Variants in CDH8 observed in about 807,000 individuals in gnomAD.
CDH8 encodes cadherin 8.
Under a neutral mutation model 68.1 loss-of-function variants are expected in CDH8, and 17 were observed. The ratio of observed to expected loss-of-function variants is 0.25; its 90% confidence interval spans 0.17 to 0.37. The LOEUF (loss-of-function observed/expected upper bound fraction) is 0.37, where lower values mean the gene tolerates loss of function less well. Ranked by LOEUF, CDH8 falls within the 10% of genes least tolerant of loss-of-function variation. The pLI is 1.00. For missense variants in CDH8, 763 were observed against 999.3 expected, an observed-to-expected ratio of 0.76 and a Z score of 3.19; for synonymous variants, 372 against 365.1, an observed-to-expected ratio of 1.02 and a Z score of -0.21.
At chr16:61,766,318 T>C (rs1960589064) in intron 8 of CDH8, among the ~76,000 whole-genome samples, 1 of 151,986 alleles carries the variant, frequency 6.6e-6, no homozygotes, top group Non-Finnish European at 1.5e-5. Context: ...GCAAAAGATA[T>C]TTCTTTTTTA....
chr16:61,673,263 T>C (rs747780978), intron 10 of CDH8, among the ~76,000 whole-genome samples: 1 of 152,124 alleles, frequency 6.6e-6, no homozygotes, highest in South Asian at 2.1e-4. Context: ...CCTCTCCTTT[T>C]CTTCCTCACA....
At chr16:61,911,944 C>T (rs1399023402) in intron 2 of CDH8, among the ~76,000 whole-genome samples, 2 of 151,998 alleles carry the variant, frequency 1.3e-5, no homozygotes, top group Non-Finnish European at 2.9e-5. Flanking sequence ...AGTGTGAAAT[C>T]CTGACAGAAT....
intron 9 of CDH8, among the ~76,000 whole-genome samples, chr16:61,723,271 CT>C (rs553491995): frequency 8.2e-4 from 123 of 150,686 alleles, no homozygotes; most frequent in African/African-American, 2.9e-3. Context: ...TATATTTTTC[CT>C]TCGTGTTTGG....
chr16:61,762,552 C>T (rs554223198), intron 8 of CDH8, among the ~76,000 whole-genome samples: 1 of 152,132 alleles, frequency 6.6e-6, no homozygotes, highest in South Asian at 2.1e-4. Flanking sequence ...GTGGACTACA[C>T]TGCAGTATGA....
chr16:61,667,807 T>A (rs1050691443), intron 10 of CDH8: 1 of 152,084 alleles, frequency 6.6e-6, no homozygotes, highest in Admixed American at 6.6e-5. Flanking sequence ...GCATTCTTAT[T>A]CCCATTTTAC....
chr16:61,850,846 C>A (rs1962924084), intron 4 of CDH8, among the ~76,000 whole-genome samples: 1 of 151,976 alleles, frequency 6.6e-6, no homozygotes, highest in East Asian at 1.9e-4. Flanking sequence ...AGCAAACATC[C>A]CTATGTCATG....
chr16:61,662,008 A>G lies in CDH8; in HGVS notation c.1655-6287T>C, dbSNP rs147284436. 6.4e-3 allele frequency among the ~76,000 whole-genome samples: 965 copies of G among 149,668 alleles called. 10 individuals carry two copies. Among genetic ancestry groups the G allele is most frequent in the African/African-American group, 0.023 (930 of 40,836 alleles). On this transcript the variant is annotated intron_variant, in intron 10 of 11. Transcript: ENST00000577390. ...TTGACTTTCAACAATTGGGAAGAGG[A>G]TCAATGGTGTTTCTTGGAAGATTTT...
chr16:61,929,931 CAT>C (rs546155119), intron 2 of CDH8, among the ~76,000 whole-genome samples: 115 of 152,130 alleles, frequency 7.6e-4, no homozygotes, highest in African/African-American at 2.6e-3. Context: ...ATTCAAAACA[CAT>C]GTCAATTACA....
Position 61,857,168 on chromosome 16 carries a change from A to C in CDH8, c.618T>G (p.Val206=), listed in dbSNP as rs746272089. Residue 206 remains valine (V), a synonymous_variant, in exon 4 of 12, where the codon GTT becomes GTG. Transcript: ENST00000577390. Reference sequence around the variant, plus strand: ...AAGGCTGCCCTTCCAATATACTATAAACCAACTTTGCACTGTTTCCATAAA... The same window carrying C: ...AAGGCTGCCCTTCCAATATACTATACACCAACTTTGCACTGTTTCCATAAA... ...DPVYGNSAKL[V]YSILEGQPYF... is the part of the protein sequence containing the mutation. The C allele has an allele frequency of 5.0e-6, 8 of 1,613,508 alleles. No individual in the cohort carries two copies. The African/African-American group carries it at 1.1e-4, about 22-fold the overall frequency.
chr16:61,968,426 C>T (rs970031145), intron 2 of CDH8, among the ~76,000 whole-genome samples: 10 of 152,130 alleles, frequency 6.6e-5, no homozygotes, highest in African/African-American at 2.2e-4. Context: ...AGACCTAGGA[C>T]AGGTAAAGGG....
At chr16:61,924,257 T>G (rs931581115) in intron 2 of CDH8, among the ~76,000 whole-genome samples, 1 of 152,200 alleles carries the variant, frequency 6.6e-6, no homozygotes, top group Non-Finnish European at 1.5e-5. Flanking sequence ...AAACATTTTT[T>G]GGGACTTTTG....
Position 61,650,449 on chromosome 16 carries a change from G to A in CDH8, c.*3159C>T, listed in dbSNP as rs1963294802. ...TTTAGCAGAGAGTACTCTTGTTTCT[G>A]CTATGTCAATGTTGATGAAACAGAC... On this transcript the variant is annotated 3_prime_UTR_variant, in exon 12 of 12. Transcript: ENST00000577390. The A allele has an allele frequency of 6.6e-6, 1 of 151,998 alleles. No individual in the cohort carries two copies. Among genetic ancestry groups the A allele is most frequent in the South Asian group, 2.1e-4 (1 of 4,832 alleles). The allele number at this position is 151,998 out of a possible 1,614,324, so 9.4% of individuals were successfully genotyped here.
chr16:61,950,985 C>T (rs552710879), intron 2 of CDH8, among the ~76,000 whole-genome samples: 3 of 151,876 alleles, frequency 2.0e-5, no homozygotes, highest in Non-Finnish European at 2.9e-5. Flanking sequence ...CATACAACAA[C>T]CCCCCATGAC....
chr16:61,951,972 T>C (rs1205221354), intron 2 of CDH8, among the ~76,000 whole-genome samples: 1 of 152,162 alleles, frequency 6.6e-6, no homozygotes, highest in Non-Finnish European at 1.5e-5. Context: ...TAGAAAACTT[T>C]GATGTGGAGA....
At chr16:61,826,089 G>A (rs1047110464) in intron 4 of CDH8, among the ~76,000 whole-genome samples, 8 of 151,650 alleles carry the variant, frequency 5.3e-5, no homozygotes, top group Non-Finnish European at 1.2e-4. Flanking sequence ...AAAATTATAA[G>A]GCCATGATAT....
chr16:61,773,493 T>C (rs1960831188), intron 8 of CDH8, among the ~76,000 whole-genome samples: 1 of 152,080 alleles, frequency 6.6e-6, no homozygotes, highest in Non-Finnish European at 1.5e-5. Context: ...TATAAAATTT[T>C]AGAGAAATAA....
intron 8 of CDH8, among the ~76,000 whole-genome samples, chr16:61,770,297 T>G (rs1960745547): frequency 6.6e-6 from 1 of 151,904 alleles, no homozygotes; most frequent in African/African-American, 2.4e-5. Flanking sequence ...ATGTTACAGA[T>G]CTAGACATTG....
chr16:61,910,203 T>A (rs1964136903), intron 2 of CDH8, among the ~76,000 whole-genome samples: 1 of 152,028 alleles, frequency 6.6e-6, no homozygotes, highest in Non-Finnish European at 1.5e-5. Context: ...GAAAATAAAA[T>A]CACTTAAATA....
chr16:61,691,400 C>A (rs1370829446), intron 10 of CDH8, among the ~76,000 whole-genome samples: 1 of 151,418 alleles, frequency 6.6e-6, no homozygotes, highest in Non-Finnish European at 1.5e-5. Flanking sequence ...CATTAGAGTG[C>A]CACTAAATTT....
Sources: gnomAD v4.1 joint callset for allele counts (sites outside exome capture counted in the v4.1 genomes callset) on GRCh38, gnomAD v4.1.1 for gene constraint, MANE v1.5 for transcripts, NCBI Gene and HGNC (gene_info 2026-07-23, HGNC 2026-07-21) for gene names.